Variants in STXBP5L observed in about 807,000 individuals in gnomAD.
STXBP5L encodes the protein syntaxin binding protein 5L.
In STXBP5L, 65 loss-of-function variants were observed where a neutral mutation model predicts 144.5. That is an observed-to-expected ratio of 0.45 (90% CI 0.37 to 0.55). STXBP5L has a LOEUF of 0.55. Ranked by LOEUF, STXBP5L falls within the 20% of genes least tolerant of loss-of-function variation. The pLI is 0.00. For synonymous variants in STXBP5L, 505 were observed against 469.6 expected, an observed-to-expected ratio of 1.08 and a Z score of -0.97; for missense variants, 1,298 against 1,405.5, an observed-to-expected ratio of 0.92 and a Z score of 1.22.
chr3:121,274,939 T>TTA (rs1319208328), intron 18 of STXBP5L, among the ~76,000 whole-genome samples: 1 of 152,190 alleles, frequency 6.6e-6, no homozygotes, highest in Non-Finnish European at 1.5e-5. Flanking sequence ...AAGCCCTGAC[T>TTA]TATAACCCAA....
intron 5 of STXBP5L, among the ~76,000 whole-genome samples, chr3:121,092,580 A>G (rs2042872317): frequency 6.6e-6 from 1 of 152,042 alleles, no homozygotes; most frequent in African/African-American, 2.4e-5. Context: ...TTTGTCTGTT[A>G]TTGGTGTATA....
intron 3 of STXBP5L, among the ~76,000 whole-genome samples, chr3:120,957,308 T>G (rs1349146051): frequency 6.6e-6 from 1 of 152,034 alleles, no homozygotes; most frequent in Admixed American, 6.6e-5. Flanking sequence ...ATAGTTTTTG[T>G]TATTGATTAT....
chr3:120,959,103 C>T (rs563917409), intron 3 of STXBP5L, among the ~76,000 whole-genome samples: 2,933 of 152,170 alleles, frequency 0.019, 89 homozygotes, highest in African/African-American at 0.066. Context: ...CATTCTTATA[C>T]ACCAAAAACA....
chr3:120,930,588 GTA>G (rs1371873882), intron 2 of STXBP5L, among the ~76,000 whole-genome samples: 1 of 151,952 alleles, frequency 6.6e-6, no homozygotes, highest in Non-Finnish European at 1.5e-5. Context: ...CTGGCATGAG[GTA>G]TTAGTATTGA....
chr3:120,911,814 T>G (rs1362573137), intron 2 of STXBP5L, among the ~76,000 whole-genome samples: 1 of 151,998 alleles, frequency 6.6e-6, no homozygotes, highest in Non-Finnish European at 1.5e-5. Flanking sequence ...AATAGTTATA[T>G]GGATGTATTA....
intron 9 of STXBP5L, among the ~76,000 whole-genome samples, chr3:121,180,349 A>G (rs982585857): frequency 6.6e-6 from 1 of 152,208 alleles, no homozygotes; most frequent in Non-Finnish European, 1.5e-5. Context: ...AGCTTCATTA[A>G]TGAAGGAGAG....
Position 121,370,340 on chromosome 3 carries a change from C to T in STXBP5L, c.2177-8376C>T, listed in dbSNP as rs547227267. On this transcript the variant is annotated intron_variant, in intron 20 of 26. Transcript: ENST00000471454. The stretch of plus-strand genomic sequence containing the variant: ...CTGACATTACACCACTGCACTCCAC[C>T]CCGGGCAACAGAGGGAGACTCCGTC... 2.6e-5 allele frequency among the ~76,000 whole-genome samples: 4 copies of T among 152,246 alleles called. No individual in the cohort carries two copies. In the East Asian group the frequency reaches 7.7e-4, roughly 29 times the overall value.
chr3:121,029,389 C>G (rs1450712103), intron 3 of STXBP5L, among the ~76,000 whole-genome samples: 1 of 152,026 alleles, frequency 6.6e-6, no homozygotes, highest in African/African-American at 2.4e-5. Flanking sequence ...CATCTACAAC[C>G]ATCTGATCTT....
At chr3:121,037,061 G>A (rs1946810817) in intron 3 of STXBP5L, among the ~76,000 whole-genome samples, 1 of 151,762 alleles carries the variant, frequency 6.6e-6, no homozygotes, top group East Asian at 1.9e-4. Context: ...TGAGTAGCTG[G>A]GACTACCAGC....
intron 3 of STXBP5L, among the ~76,000 whole-genome samples, chr3:121,032,003 G>A (rs915611728): frequency 6.6e-6 from 1 of 152,072 alleles, no homozygotes; most frequent in Admixed American, 6.6e-5. Context: ...CTAAGTATAA[G>A]ATTTTTGTGG....
At chr3:120,912,855 A>G (rs1436077443) in intron 2 of STXBP5L, among the ~76,000 whole-genome samples, 1 of 151,814 alleles carries the variant, frequency 6.6e-6, no homozygotes, top group African/African-American at 2.4e-5. Flanking sequence ...TTCCATTTTT[A>G]TTTGCTTGAT....
intron 20 of STXBP5L, among the ~76,000 whole-genome samples, chr3:121,361,172 C>T (rs1235530415): frequency 2.6e-5 from 4 of 152,144 alleles, no homozygotes; most frequent in East Asian, 1.9e-4. Context: ...ATTTGAAGTT[C>T]CATTGTATGT....
intron 5 of STXBP5L, among the ~76,000 whole-genome samples, chr3:121,053,252 C>G (rs1166678166): frequency 6.6e-6 from 1 of 152,110 alleles, no homozygotes; most frequent in East Asian, 1.9e-4. Flanking sequence ...CTTTAAAGTT[C>G]ATATGGAGCC....
Position 121,279,880 on chromosome 3 carries a change from C to T in STXBP5L, c.2034C>T (p.Thr678=), listed in dbSNP as rs768379475. ...IQKTVLLSMG[T]IDLYRSSDLY... ...AGACAGTACTGTTAAGCATGGGGAC[C>T]ATTGACCTATATAGATCAAGTGACT... Residue 678 remains threonine (T), a synonymous_variant, in exon 19 of 27, where the codon ACC becomes ACT. Transcript: ENST00000471454. 5.0e-6 allele frequency: 8 copies of T among 1,612,516 alleles called. No individual in the cohort carries two copies.
chr3:121,057,051 T>C (rs574503202), intron 5 of STXBP5L, among the ~76,000 whole-genome samples: 13 of 151,272 alleles, frequency 8.6e-5, no homozygotes, highest in Non-Finnish European at 1.6e-4. Context: ...CTTTAGAATA[T>C]ATTATAAAGA....
intron 9 of STXBP5L, among the ~76,000 whole-genome samples, chr3:121,173,519 TA>T (rs2046815305): frequency 6.6e-6 from 1 of 151,898 alleles, no homozygotes; most frequent in South Asian, 2.1e-4. Context: ...CACCATGCAG[TA>T]AAAAATCTAT....
intron 7 of STXBP5L, among the ~76,000 whole-genome samples, chr3:121,141,953 A>G (rs546785976): frequency 6.6e-6 from 1 of 152,180 alleles, no homozygotes; most frequent in African/African-American, 2.4e-5. Context: ...GAAAGATACA[A>G]AGTATCTGAA....
chr3:121,016,176 G>A (rs957787577), intron 3 of STXBP5L, among the ~76,000 whole-genome samples: 1 of 152,092 alleles, frequency 6.6e-6, no homozygotes, highest in Non-Finnish European at 1.5e-5. Flanking sequence ...CAATACAAAC[G>A]TGTGGTTTTC....
chr3:121,092,108 G>C (rs2042838815), intron 5 of STXBP5L, among the ~76,000 whole-genome samples: 2 of 151,938 alleles, frequency 1.3e-5, no homozygotes, highest in Admixed American at 1.3e-4. Context: ...TTATTTCTGA[G>C]GGCTCTGTTC....
Sources: gnomAD v4.1 joint callset for allele counts (sites outside exome capture counted in the v4.1 genomes callset) on GRCh38, gnomAD v4.1.1 for gene constraint, MANE v1.5 for transcripts, NCBI Gene and HGNC (gene_info 2026-07-23, HGNC 2026-07-21) for gene names.